FAT3: variants seen among roughly 807,000 people sequenced by gnomAD.
The protein encoded by FAT3 is FAT atypical cadherin 3, also known as protocadherin Fat 3.
In FAT3, 95 loss-of-function variants were observed where a neutral mutation model predicts 310.2. The observed-to-expected ratio is 0.31, with a 90% CI of 0.26 to 0.36. The LOEUF (loss-of-function observed/expected upper bound fraction) is 0.36. Among genes scored for constraint, FAT3 ranks in the 10% least tolerant of loss-of-function variants. The probability of loss-of-function intolerance (pLI) is 1.00; values close to 1 mark genes in which losing one functional copy is unlikely to be tolerated. For missense variants in FAT3, 5,408 were observed against 5,715.6 expected (o/e 0.95, Z 1.74); for synonymous variants, 2,314 against 2,192.9 (o/e 1.06, Z -1.54).
At chr11:92,795,971 T>C (rs947243690) in intron 9 of FAT3, among the ~76,000 whole-genome samples, 2 of 152,082 alleles carry the variant, frequency 1.3e-5, no homozygotes, top group African/African-American at 4.8e-5. Context: ...CACCATAATC[T>C]ATCTTTCTGG....
At chr11:92,298,286 T>C (rs1386829423) in intron 1 of FAT3, among the ~76,000 whole-genome samples, 1 of 152,142 alleles carries the variant, frequency 6.6e-6, no homozygotes, top group African/African-American at 2.4e-5. Flanking sequence ...AAATGCATGC[T>C]GCTTAAGGAA....
At chr11:92,289,444 G>A (rs1946637770) in intron 1 of FAT3, among the ~76,000 whole-genome samples, 1 of 150,716 alleles carries the variant, frequency 6.6e-6, no homozygotes, top group Admixed American at 6.6e-5. Flanking sequence ...CATCTTACTT[G>A]TCTCATCTCA....
chr11:92,738,850 T>C (rs1945424996), intron 4 of FAT3, among the ~76,000 whole-genome samples: 1 of 152,304 alleles, frequency 6.6e-6, no homozygotes, highest in African/African-American at 2.4e-5. Flanking sequence ...GTGGGGTTAA[T>C]ATTTCTTCAC....
chr11:92,389,500 G>A (rs1408518917), intron 2 of FAT3, among the ~76,000 whole-genome samples: 1 of 152,164 alleles, frequency 6.6e-6, no homozygotes, highest in Non-Finnish European at 1.5e-5. Flanking sequence ...GGAGGAAAAG[G>A]CGTACATGCA....
At chr11:92,790,301 C>A in intron 8 of FAT3, 83 bp downstream of exon 8, 15 of 1,382,410 alleles carry the variant, frequency 1.1e-5, no homozygotes, top group Non-Finnish European at 1.5e-5. Context: ...AGTATAGGGC[C>A]CCTAAATTTT....
intron 4 of FAT3, among the ~76,000 whole-genome samples, chr11:92,720,634 G>T (rs896469599): frequency 6.6e-6 from 1 of 152,142 alleles, no homozygotes; most frequent in African/African-American, 2.4e-5. Context: ...TTTTAGAAAT[G>T]TGCCACGTAC....
At chr11:92,509,866 A>G (rs1309134896) in intron 2 of FAT3, among the ~76,000 whole-genome samples, 1 of 152,216 alleles carries the variant, frequency 6.6e-6, no homozygotes, top group African/African-American at 2.4e-5. Context: ...TGACATAATC[A>G]GCACTTTAAA....
At chr11:92,350,066 T>C (rs1948523789) in intron 1 of FAT3, among the ~76,000 whole-genome samples, 1 of 151,986 alleles carries the variant, frequency 6.6e-6, no homozygotes, top group Non-Finnish European at 1.5e-5. Context: ...CAATGACTAT[T>C]AAATTTAGAC....
At chr11:92,861,291 C>T (rs1467957398) in intron 21 of FAT3, among the ~76,000 whole-genome samples, 2 of 152,184 alleles carry the variant, frequency 1.3e-5, no homozygotes, top group Admixed American at 6.5e-5. Context: ...ATTAGTAAAT[C>T]TCTTATAGAG....
intron 2 of FAT3, among the ~76,000 whole-genome samples, chr11:92,371,344 A>T (rs533266423): frequency 6.6e-5 from 10 of 152,376 alleles, no homozygotes; most frequent in Admixed American, 2.0e-4. Flanking sequence ...TGAATGAGGT[A>T]GGTCAGAACT....
intron 3 of FAT3, among the ~76,000 whole-genome samples, chr11:92,588,237 T>C (rs1939251319): frequency 6.6e-6 from 1 of 151,988 alleles, no homozygotes; most frequent in Admixed American, 6.6e-5. Context: ...GTGTTCCTAA[T>C]GCTAGCTTCT....
chr11:92,568,076 T>A (rs1032767268), intron 3 of FAT3, among the ~76,000 whole-genome samples: 9 of 152,052 alleles, frequency 5.9e-5, no homozygotes, highest in Non-Finnish European at 7.4e-5. Context: ...ATTCAGTCAA[T>A]CCGCAAATAT....
intron 2 of FAT3, among the ~76,000 whole-genome samples, chr11:92,375,371 G>A (rs1361302465): frequency 6.6e-6 from 1 of 152,056 alleles, no homozygotes; most frequent in Non-Finnish European, 1.5e-5. Flanking sequence ...GAACTCCTAG[G>A]CTCAAGCTCT....
intron 22 of FAT3, among the ~76,000 whole-genome samples, chr11:92,877,004 G>A (rs908827461): frequency 6.6e-6 from 1 of 152,178 alleles, no homozygotes; most frequent in African/African-American, 2.4e-5. Flanking sequence ...CAGGGTAAGG[G>A]TGGCAGCTTG....
In FAT3 at chr11:92,462,348, G is replaced by T. The variant is rs139547086; in HGVS notation, c.3293-62286G>T. Among the ~76,000 whole-genome samples, 518 of 151,986 alleles carry T rather than the reference G, an allele frequency of 3.4e-3. 2 individuals carry two copies. Among genetic ancestry groups the T allele is most frequent in the African/African-American group, 0.012 (497 of 41,458 alleles). ...ACCCTCCACCCTTGAGTATGTCCTG[G>T]TATCTATCGTTCCCTTCTCTGTGTC... On this transcript the variant is annotated intron_variant, in intron 2 of 27. Coordinates refer to ENST00000525166, the MANE Select transcript of FAT3 (RefSeq NM_001367949.2).
intron 3 of FAT3, among the ~76,000 whole-genome samples, chr11:92,648,248 G>T (rs1183284532): frequency 6.6e-6 from 1 of 152,180 alleles, no homozygotes; most frequent in Non-Finnish European, 1.5e-5. Context: ...GAGGCTTTCT[G>T]CAAAGAATGT....
chr11:92,821,300 C>T (rs887610842), intron 13 of FAT3, among the ~76,000 whole-genome samples: 14 of 152,138 alleles, frequency 9.2e-5, no homozygotes, highest in Admixed American at 1.3e-4. Context: ...TTTGTATACT[C>T]CAGTAATTTC....
rs1387095825 is a variant in FAT3 at position 92,800,964 on chromosome 11, C to T, written c.7951C>T (p.Leu2651=). 3.1e-6 allele frequency: 5 copies of T among 1,613,322 alleles called. No individual in the cohort carries two copies. The highest frequency in any genetic ancestry group is 3.3e-4 in the Middle Eastern group (2 of 6,062). The change falls in exon 10 of 28, where the codon CTG becomes TTG. Residue 2651 remains leucine (L), a synonymous_variant. Transcript: ENST00000525166. ...GGCCTCTGTTTCAGTGGCCGACCTCCTGGAAATCGATCCTGACAATGGCTG... is the reference window on the plus strand; with the variant it reads ...GGCCTCTGTTTCAGTGGCCGACCTCTTGGAAATCGATCCTGACAATGGCTG... ...SEASVSVADL[L]EIDPDNGWMV... is the part of the protein sequence containing the mutation.
intron 3 of FAT3, among the ~76,000 whole-genome samples, chr11:92,626,777 G>A (rs572410632): frequency 2.0e-4 from 31 of 152,228 alleles, no homozygotes; most frequent in African/African-American, 6.7e-4. Flanking sequence ...GCTGTCACAG[G>A]GCTGTCAGGG....
Sources: gnomAD v4.1 joint callset for allele counts (sites outside exome capture counted in the v4.1 genomes callset) on GRCh38, gnomAD v4.1.1 for gene constraint, MANE v1.5 for transcripts, NCBI Gene and HGNC (gene_info 2026-07-23, HGNC 2026-07-21) for gene names.